Variants in SCAF8 observed in about 807,000 individuals in gnomAD.
The protein encoded by SCAF8 is SR-related and CTD-associated factor 8.
In SCAF8, 23 loss-of-function variants were observed where a neutral mutation model predicts 140.5. The ratio of observed to expected loss-of-function variants is 0.16; its 90% CI spans 0.12 to 0.23. The LOEUF (loss-of-function observed/expected upper bound fraction) is 0.23. SCAF8 is among the 10% of genes least tolerant of loss of function. The pLI, the probability that SCAF8 is intolerant of heterozygous loss-of-function variation, is 1.00. For synonymous variants in SCAF8, 575 were observed against 528.9 expected (o/e 1.09, Z -1.20); for missense variants, 1,397 against 1,555.7 (o/e 0.90, Z 1.72).
Position 154,774,081 on chromosome 6 carries a change from T to A in SCAF8, c.114+9T>A. 6.4e-7 allele frequency: 1 copy of A among 1,553,634 alleles called. No individual in the cohort carries two copies. Among genetic ancestry groups the A allele is most frequent in the Non-Finnish European group, 8.9e-7 (1 of 1,129,218 alleles). On this transcript the variant is annotated intron_variant, in intron 2 of 19. Transcript: ENST00000367178. Reference sequence around the variant, plus strand: ...CCATCAAAGCTATTAAGGTGAGTAATAAATTTTACTCTTCTATTTTCAAAA... The same window carrying A: ...CCATCAAAGCTATTAAGGTGAGTAAAAAATTTTACTCTTCTATTTTCAAAA...
At chr6:154,765,596 T>C (rs1204068556) in intron 1 of SCAF8, among the ~76,000 whole-genome samples, 1 of 152,194 alleles carries the variant, frequency 6.6e-6, no homozygotes, top group Non-Finnish European at 1.5e-5. Context: ...GCAAGATCCC[T>C]AGAAGCCAAG....
Position 154,788,626 on chromosome 6 carries a change from TCA to T in SCAF8, c.321+613_321+614del, listed in dbSNP as rs1431294620. The stretch of plus-strand genomic sequence containing the variant: ...GCTTTTGGAATTACATGAAACTTAT[TCA>T]CACACACAGTCAATTCAGAATTGTG... On this transcript the variant is annotated intron_variant, in intron 4 of 19. Transcript: ENST00000367178. Among the ~76,000 whole-genome samples, 3 of 152,186 alleles carry T rather than the reference TCA, an allele frequency of 2.0e-5. No homozygotes were observed. In the East Asian group the frequency reaches 5.8e-4, roughly 29 times the overall value.
chr6:154,808,391 AC>A (rs566013041), intron 10 of SCAF8, among the ~76,000 whole-genome samples, 190 bp downstream of exon 10: 2,557 of 152,214 alleles, frequency 0.017, 27 homozygotes, highest in Non-Finnish European at 0.023. Flanking sequence ...ATGGCCCAGA[AC>A]TGCTTTGAAT....
chr6:154,816,077 A>G (rs1778240007), intron 13 of SCAF8, among the ~76,000 whole-genome samples: 1 of 152,148 alleles, frequency 6.6e-6, no homozygotes, highest in African/African-American at 2.4e-5. Flanking sequence ...GACATCATCA[A>G]ATGTTTGAGT....
At chr6:154,789,901 A>G (rs116537779) in intron 4 of SCAF8, among the ~76,000 whole-genome samples, 229 of 152,278 alleles carry the variant, frequency 1.5e-3, no homozygotes, top group African/African-American at 5.3e-3. Flanking sequence ...GGTACCTTAG[A>G]CTACCACTTG....
At position 154,787,965 on chromosome 6, in the gene SCAF8, T is replaced by C. The variant is rs777998505; in HGVS notation, c.264T>C (p.Phe88=). ...AAAAGGATGTGTTTGCACCCAGATT[T>C]AGTAATAACATCATTAGCACTTTCC... ...GQEKDVFAPR[F]SNNIISTFQN... The change falls in exon 4 of 20, where the codon TTT becomes TTC. Residue 88 remains phenylalanine, a synonymous_variant. Transcript: ENST00000367178. 2 of 1,613,880 alleles carry C rather than the reference T, an allele frequency of 1.2e-6. No individual in the cohort carries two copies. Among genetic ancestry groups the C allele is most frequent in the Non-Finnish European group, 1.7e-6 (2 of 1,179,928 alleles).
At chr6:154,750,913 TAGTACTATATTAAAAGGTAAC>T (rs1778821794) in intron 1 of SCAF8, among the ~76,000 whole-genome samples, 1 of 152,336 alleles carries the variant, frequency 6.6e-6, no homozygotes, top group Admixed American at 6.5e-5. Flanking sequence ...TCATTGTTAA[TAGTACTATATTAAAAGGTAAC>T]ATGTTTTCAT....
At chr6:154,750,428 A>T (rs1218479474) in intron 1 of SCAF8, among the ~76,000 whole-genome samples, 1 of 151,936 alleles carries the variant, frequency 6.6e-6, no homozygotes, top group African/African-American at 2.4e-5. Context: ...GATCTTGTAG[A>T]ATCTTTTCAT....
rs764066084 is a variant in SCAF8 at position 154,824,227 on chromosome 6, A to G, written c.1927-7A>G. 40 of 1,613,020 alleles carry G rather than the reference A, an allele frequency of 2.5e-5. No homozygotes were observed. Among genetic ancestry groups the G allele is most frequent in the Middle Eastern group, 1.6e-4 (1 of 6,068 alleles). The stretch of plus-strand genomic sequence containing the variant: ...GATGAGTGAACTTTTTTGTCTATCC[A>G]CAAAAGATTCCAGTGGCGCCAGCCG... On this transcript the variant is annotated splice_polypyrimidine_tract_variant and splice_region_variant and intron_variant, in intron 16 of 19. Transcript: ENST00000367178.
At chr6:154,775,559 G>A (rs978216179) in intron 2 of SCAF8, among the ~76,000 whole-genome samples, 1 of 152,108 alleles carries the variant, frequency 6.6e-6, no homozygotes, top group Non-Finnish European at 1.5e-5. Flanking sequence ...TAAGTAATTT[G>A]CAGTAGTAGG....
rs58013583 is a variant in SCAF8, at chr6:154,831,703, TAAAAAAAAAAAAAAAAAA to T, written c.2360-214_2360-197del. 5.0e-3 allele frequency among the ~76,000 whole-genome samples: 239 copies of T among 48,092 alleles called. 1 individual carries two copies. The highest frequency in any genetic ancestry group is 0.016 in the Middle Eastern group (1 of 62). 31.6% of individuals were successfully genotyped at this position (48,092 alleles called of 152,430 possible). Reference sequence around the variant, plus strand: ...CCTTTTAAACCTCCACTCCTGTTCTTAAAAAAAAAAAAAAAAAAAAAAAAAAAAAAAAAAAAAAAGAAT... The same window carrying T: ...CCTTTTAAACCTCCACTCCTGTTCTTAAAAAAAAAAAAAAAAAAAAAGAAT... On this transcript the variant is annotated intron_variant, in intron 19 of 19. Transcript: ENST00000367178.
chr6:154,822,094 C>G, intron 15 of SCAF8, 182 bp from the exon 16 acceptor site: 4 of 453,336 alleles, frequency 8.8e-6, no homozygotes, highest in Non-Finnish European at 1.5e-5. Flanking sequence ...GTTTTTTGAA[C>G]TCCATAGTAT....
At chr6:154,776,888 A>G (rs898010489) in intron 2 of SCAF8, among the ~76,000 whole-genome samples, 41 of 152,140 alleles carry the variant, frequency 2.7e-4, no homozygotes, top group Non-Finnish European at 4.7e-4. Context: ...CGAGAAGAAA[A>G]GTATAAAGAA....
intron 1 of SCAF8, among the ~76,000 whole-genome samples, chr6:154,745,609 C>T (rs539391274): frequency 4.7e-4 from 72 of 152,156 alleles, no homozygotes; most frequent in Non-Finnish European, 8.8e-4. Flanking sequence ...TTTTTATCTG[C>T]AGGGTTTCCC....
chr6:154,775,790 T>G (rs1776900228), intron 2 of SCAF8, among the ~76,000 whole-genome samples: 1 of 151,788 alleles, frequency 6.6e-6, no homozygotes, highest in South Asian at 2.1e-4. Flanking sequence ...AGAATCTTTA[T>G]TATTATTATA....
chr6:154,734,220 G>C (rs955600813), intron 1 of SCAF8, among the ~76,000 whole-genome samples: 1 of 152,170 alleles, frequency 6.6e-6, no homozygotes, highest in African/African-American at 2.4e-5. Flanking sequence ...GCCCTCACCC[G>C]GAGACTCCCG....
chr6:154,782,661 A>G (rs981257735), intron 3 of SCAF8, among the ~76,000 whole-genome samples: 1 of 152,144 alleles, frequency 6.6e-6, no homozygotes, highest in Admixed American at 6.6e-5. Flanking sequence ...CACGATCACA[A>G]GGTCCCACAG....
At chr6:154,781,665 A>C (rs1348790118) in intron 3 of SCAF8, among the ~76,000 whole-genome samples, 1 of 152,186 alleles carries the variant, frequency 6.6e-6, no homozygotes, top group African/African-American at 2.4e-5. Context: ...TCAGGGTATG[A>C]ATTTACCACA....
chr6:154,770,107 G>A (rs1369762645), intron 1 of SCAF8, among the ~76,000 whole-genome samples: 1 of 152,172 alleles, frequency 6.6e-6, no homozygotes, highest in African/African-American at 2.4e-5. Flanking sequence ...GTTTGACACA[G>A]ATCTTAACTT....
Sources: gnomAD v4.1 joint callset for allele counts (sites outside exome capture counted in the v4.1 genomes callset) on GRCh38, gnomAD v4.1.1 for gene constraint, MANE v1.5 for transcripts, NCBI Gene and HGNC (gene_info 2026-07-23, HGNC 2026-07-21) for gene names.